The following HSD17B12 variants were observed in gnomAD, a reference collection of about 807,000 sequenced individuals.
HSD17B12 encodes hydroxysteroid 17-beta dehydrogenase 12, also known as very-long-chain 3-oxoacyl-CoA reductase.
Under a neutral mutation model 39.3 loss-of-function variants are expected in HSD17B12, and 32 were observed. That is an observed-to-expected ratio of 0.81 (90% confidence interval 0.61 to 1.09). The LOEUF (loss-of-function observed/expected upper bound fraction) is 1.09. Among genes scored for constraint, HSD17B12 ranks in the 50% least tolerant of loss-of-function variants. HSD17B12 has a pLI of 0.00. For missense variants in HSD17B12, 342 were observed against 382.9 expected, an observed-to-expected ratio of 0.89 and a Z score of 0.89; for synonymous variants, 150 against 146.7, an observed-to-expected ratio of 1.02 and a Z score of -0.16.
At chr11:43,601,875 G>GC in the HSD17B12 span, among the ~76,000 whole-genome samples, 1 of 152,166 alleles carries the variant, frequency 6.6e-6, no homozygotes, top group South Asian at 2.1e-4. Flanking sequence ...CTCAGGATTG[G>GC]CTTGACTTAT....
chr11:43,827,333 A>G (rs1951253549), intron 6 of HSD17B12, among the ~76,000 whole-genome samples: 1 of 152,244 alleles, frequency 6.6e-6, no homozygotes, highest in Non-Finnish European at 1.5e-5. Flanking sequence ...TCTCTAAAAA[A>G]TGACCAAATG....
At chr11:43,734,036 C>A in intron 1 of HSD17B12, 2 of 765,456 alleles carry the variant, frequency 2.6e-6, no homozygotes, top group South Asian at 1.4e-5. Flanking sequence ...CACGGCGGAT[C>A]CTCTTCCGGC....
chr11:43,566,484 C>CT, the HSD17B12 span, among the ~76,000 whole-genome samples: 1 of 151,974 alleles, frequency 6.6e-6, no homozygotes, highest in Non-Finnish European at 1.5e-5. Context: ...GAAGATTTCC[C>CT]GTCATCTCTT....
chr11:43,687,076 G>A (rs1311601757), intron 1 of HSD17B12, among the ~76,000 whole-genome samples: 1 of 152,124 alleles, frequency 6.6e-6, no homozygotes. Context: ...ATGGGTAAAC[G>A]GATTTGAATA....
intron 4 of HSD17B12, among the ~76,000 whole-genome samples, chr11:43,807,043 C>T (rs898380956): frequency 4.6e-5 from 7 of 152,000 alleles, no homozygotes; most frequent in African/African-American, 1.7e-4. Flanking sequence ...GGTTTAAAAC[C>T]TCCATCCTAT....
At chr11:43,782,247 C>CTGTA (rs1950772974) in intron 3 of HSD17B12, among the ~76,000 whole-genome samples, 1 of 152,118 alleles carries the variant, frequency 6.6e-6, no homozygotes, top group Non-Finnish European at 1.5e-5. Context: ...TTTAATCAGC[C>CTGTA]TGTATTATGC....
chr11:43,643,050 G>A, the HSD17B12 span, among the ~76,000 whole-genome samples: 3 of 152,068 alleles, frequency 2.0e-5, no homozygotes, highest in Admixed American at 6.5e-5. Flanking sequence ...TACATTTTGA[G>A]TGCCCTTTCA....
At chr11:43,623,701 G>A in the HSD17B12 span, among the ~76,000 whole-genome samples, 3 of 151,950 alleles carry the variant, frequency 2.0e-5, no homozygotes, top group Non-Finnish European at 4.4e-5. Context: ...AAAAAAAGAG[G>A]CAGAAACTCA....
upstream of HSD17B12, among the ~76,000 whole-genome samples, chr11:43,677,711 C>T (rs190821259): frequency 1.1e-3 from 164 of 148,742 alleles, 2 homozygotes; most frequent in East Asian, 0.03. Flanking sequence ...TTTGTCCTTG[C>T]GATAGTTTGC....
intron 4 of HSD17B12, among the ~76,000 whole-genome samples, chr11:43,805,522 A>G (rs1256657975): frequency 6.6e-6 from 1 of 152,166 alleles, no homozygotes; most frequent in African/African-American, 2.4e-5. Context: ...ATGTAGTTAG[A>G]ATTATTATCC....
At chr11:43,817,046 A>G (rs536579059) in intron 6 of HSD17B12, among the ~76,000 whole-genome samples, 1 of 116,210 alleles carries the variant, frequency 8.6e-6, no homozygotes, top group Non-Finnish European at 1.7e-5. Flanking sequence ...ATATCTATAT[A>G]TATATATATA....
At chr11:43,630,195 GA>G in the HSD17B12 span, among the ~76,000 whole-genome samples, 3,357 of 152,052 alleles carry the variant, frequency 0.022, 119 homozygotes, top group African/African-American at 0.077. Flanking sequence ...TCAGTCCATG[GA>G]AAAAAAGAAT....
At chr11:43,623,095 A>G in the HSD17B12 span, among the ~76,000 whole-genome samples, 2 of 152,188 alleles carry the variant, frequency 1.3e-5, no homozygotes, top group Non-Finnish European at 2.9e-5. Flanking sequence ...AGTGTTGCTC[A>G]AGTAATGTTT....
the HSD17B12 span, chr11:43,578,866 C>T: frequency 2.6e-5 from 4 of 152,082 alleles, no homozygotes; most frequent in African/African-American, 9.7e-5. Flanking sequence ...TTGCTTGGCA[C>T]AATGCACAAG....
the HSD17B12 span, among the ~76,000 whole-genome samples, chr11:43,633,773 A>G: frequency 6.6e-6 from 1 of 151,884 alleles, no homozygotes; most frequent in Non-Finnish European, 1.5e-5. Flanking sequence ...TGTCCACATC[A>G]GTTTTTGAAA....
At chr11:43,596,097 G>A in the HSD17B12 span, among the ~76,000 whole-genome samples, 28 of 152,066 alleles carry the variant, frequency 1.8e-4, no homozygotes, top group Non-Finnish European at 3.5e-4. Context: ...CACTATGCTG[G>A]CCAGGCTGGT....
intron 1 of HSD17B12, among the ~76,000 whole-genome samples, chr11:43,745,038 G>C (rs959320263): frequency 2.0e-5 from 3 of 152,208 alleles, no homozygotes; most frequent in Non-Finnish European, 2.9e-5. Flanking sequence ...AACACTCCTG[G>C]CAAGAAAGGA....
At chr11:43,632,014 G>C in the HSD17B12 span, among the ~76,000 whole-genome samples, 8 of 152,226 alleles carry the variant, frequency 5.3e-5, no homozygotes, top group African/African-American at 1.7e-4. Context: ...AGTGAGGGAG[G>C]GGGAGGAGGA....
At chr11:43,786,492 C>G (rs1164421450) in intron 3 of HSD17B12, among the ~76,000 whole-genome samples, 1 of 152,106 alleles carries the variant, frequency 6.6e-6, no homozygotes, top group Non-Finnish European at 1.5e-5. Flanking sequence ...TTGCTTTTCT[C>G]AATATAGTGA....
Sources: allele counts gnomAD v4.1 joint callset (sites outside exome capture counted in the v4.1 genomes callset), GRCh38; gene constraint gnomAD v4.1.1; transcripts MANE v1.5; gene names NCBI Gene and HGNC (gene_info 2026-07-23, HGNC 2026-07-21).